COBL: variants seen among roughly 807,000 people sequenced by gnomAD.
The protein encoded by COBL is cordon-bleu WH2 repeat protein, also known as protein cordon-bleu.
Under a neutral mutation model 98.8 loss-of-function variants are expected in COBL, and 51 were observed. The observed-to-expected ratio is 0.52, with a 90% confidence interval of 0.41 to 0.65. The LOEUF (loss-of-function observed/expected upper bound fraction) is 0.65. COBL is among the 30% of genes least tolerant of loss of function. COBL has a pLI of 0.00. For missense variants in COBL, 1,617 were observed against 1,617.5 expected (o/e 1.00, Z 0.01); for synonymous variants, 634 against 651.7 (o/e 0.97, Z 0.41).
At position 51,182,374 on chromosome 7, in the gene COBL, C is replaced by T. The variant is rs371945177; in HGVS notation, c.783+1728G>A. On this transcript the variant is annotated intron_variant, in intron 5 of 12. Coordinates refer to ENST00000265136, the MANE Select transcript of COBL (RefSeq NM_015198.5). The stretch of plus-strand genomic sequence containing the variant: ...TCATCTCACTGCAACCTCTGCCTCC[C>T]GGATTCAAGCGATTCTCCTGCCTCA... 2.4e-4 allele frequency among the ~76,000 whole-genome samples: 36 copies of T among 152,028 alleles called. 1 individual carries two copies. The highest frequency in any genetic ancestry group is 1.4e-4 in the African/African-American group (6 of 41,468).
At chr7:51,234,554 A>T (rs1795058485) in intron 1 of COBL, among the ~76,000 whole-genome samples, 2 of 152,054 alleles carry the variant, frequency 1.3e-5, no homozygotes, top group Admixed American at 1.3e-4. Flanking sequence ...TACAAAAACT[A>T]GCCGGGCGTG....
At chr7:51,285,235 G>A (rs527623996) in intron 1 of COBL, among the ~76,000 whole-genome samples, 15 of 152,046 alleles carry the variant, frequency 9.9e-5, no homozygotes, top group Admixed American at 4.6e-4. Context: ...ATAAGCCACC[G>A]TGCCCAGCTA....
chr7:51,046,853 A>T (rs1483458216), intron 7 of COBL, among the ~76,000 whole-genome samples: 1 of 152,198 alleles, frequency 6.6e-6, no homozygotes, highest in Non-Finnish European at 1.5e-5. Flanking sequence ...TTGAAAGCCC[A>T]AATTGCACTC....
chr7:51,146,023 A>G (rs1419837242), intron 5 of COBL, among the ~76,000 whole-genome samples: 1 of 152,048 alleles, frequency 6.6e-6, no homozygotes, highest in Non-Finnish European at 1.5e-5. Flanking sequence ...GCTCATTTTT[A>G]TTCTCTCTTA....
intron 7 of COBL, among the ~76,000 whole-genome samples, chr7:51,067,893 GA>G (rs1792105654): frequency 1.3e-5 from 2 of 152,232 alleles, no homozygotes. Flanking sequence ...AGTCATCCAA[GA>G]ATCTCTTGTC....
At chr7:51,187,915 T>C (rs1434158464) in intron 4 of COBL, 4 of 1,232,332 alleles carry the variant, frequency 3.2e-6, no homozygotes, top group African/African-American at 1.6e-5. Context: ...TCACTGTACC[T>C]TGACAGCTCA....
intron 1 of COBL, among the ~76,000 whole-genome samples, chr7:51,273,038 T>C (rs1798920557): frequency 6.6e-6 from 1 of 152,088 alleles, no homozygotes; most frequent in African/African-American, 2.4e-5. Context: ...CATTGAAAAG[T>C]TACCTCAAAG....
intron 6 of COBL, among the ~76,000 whole-genome samples, chr7:51,132,039 G>A (rs1484890585): frequency 5.9e-5 from 9 of 152,182 alleles, no homozygotes; most frequent in Admixed American, 2.6e-4. Context: ...AGAGGATGCT[G>A]GTATTGTTTA....
At chr7:51,271,532 T>C (rs1020926855) in intron 1 of COBL, among the ~76,000 whole-genome samples, 4 of 152,184 alleles carry the variant, frequency 2.6e-5, no homozygotes, top group African/African-American at 9.7e-5. Context: ...AGAGAAAGCG[T>C]AGCATGAGTC....
At chr7:51,087,710 G>C (rs1228147727) in intron 6 of COBL, among the ~76,000 whole-genome samples, 1 of 151,052 alleles carries the variant, frequency 6.6e-6, no homozygotes, top group South Asian at 2.1e-4. Context: ...CTGGGCTCCA[G>C]TGATGCACCC....
At chr7:51,244,540 TCCTC>T (rs1183808448) in intron 1 of COBL, among the ~76,000 whole-genome samples, 1 of 152,020 alleles carries the variant, frequency 6.6e-6, no homozygotes, top group Admixed American at 6.5e-5. Context: ...CAGAGGTACT[TCCTC>T]CCTTTCACAC....
intron 1 of COBL, among the ~76,000 whole-genome samples, chr7:51,236,027 C>A (rs529741216): frequency 2.0e-5 from 3 of 152,236 alleles, no homozygotes; most frequent in African/African-American, 7.2e-5. Context: ...TCAAAAAAAA[C>A]CCTTCCCCTT....
In COBL at chr7:51,039,392, T is replaced by G. The variant is rs544848077; in HGVS notation, c.1406+3991A>C. ...TCAGCCCCCAGGCATGGGTCCTCAC[T>G]GTAGGGATCGTGACCACCTGACAGG... On this transcript the variant is annotated intron_variant, in intron 8 of 12. Transcript: ENST00000265136. Among the ~76,000 whole-genome samples the G allele has an allele frequency of 9.8e-5, 15 of 152,314 alleles. No individual in the cohort carries two copies. The East Asian group carries it at 2.9e-3, about 30-fold the overall frequency.
chr7:51,020,629 C>G (rs1249358537), intron 12 of COBL, among the ~76,000 whole-genome samples: 1 of 152,166 alleles, frequency 6.6e-6, no homozygotes, highest in Non-Finnish European at 1.5e-5. Flanking sequence ...AATAAGAACG[C>G]AGGGCTGAGT....
At chr7:51,129,344 C>T (rs7788832) in intron 6 of COBL, among the ~76,000 whole-genome samples, 2,343 of 151,714 alleles carry the variant, frequency 0.015, 60 homozygotes, top group African/African-American at 0.054. Flanking sequence ...TCTGGGCTCT[C>T]TTTTATAAGG....
chr7:51,188,091 T>A (rs1364628670), intron 4 of COBL: 11 of 677,270 alleles, frequency 1.6e-5, no homozygotes, highest in Middle Eastern at 4.6e-4. Context: ...TCTTGCTGGG[T>A]CAGCTTGCCT....
chr7:51,268,240 TC>T (rs2129159250), intron 1 of COBL, among the ~76,000 whole-genome samples: 1 of 152,356 alleles, frequency 6.6e-6, no homozygotes. Flanking sequence ...TTACAATAGA[TC>T]CAGGACTAGA....
At chr7:51,229,036 G>C (rs959443400) in intron 1 of COBL, among the ~76,000 whole-genome samples, 1 of 152,186 alleles carries the variant, frequency 6.6e-6, no homozygotes, top group Non-Finnish European at 1.5e-5. Context: ...ATCCCAAGCT[G>C]TCCCCTGCCC....
chr7:51,149,197 G>C (rs1358256636), intron 5 of COBL, among the ~76,000 whole-genome samples: 1 of 152,196 alleles, frequency 6.6e-6, no homozygotes, highest in Non-Finnish European at 1.5e-5. Context: ...CTCATGAACA[G>C]AGTCATCTCC....
Sources: allele counts gnomAD v4.1 joint callset (sites outside exome capture counted in the v4.1 genomes callset), GRCh38; gene constraint gnomAD v4.1.1; transcripts MANE v1.5; gene names NCBI Gene and HGNC (gene_info 2026-07-23, HGNC 2026-07-21).